The following IHO1 variants were observed in gnomAD, a reference collection of about 807,000 sequenced individuals.
The protein encoded by IHO1 is interactor of HORMAD1 protein 1.
Under a neutral mutation model 31.0 loss-of-function variants are expected in IHO1, and 13 were observed. The observed-to-expected ratio is 0.42, with a 90% CI of 0.27 to 0.67. IHO1 has a LOEUF of 0.67. IHO1 is among the 30% of genes least tolerant of loss of function. The pLI, the probability that IHO1 is intolerant of heterozygous loss-of-function variation, is 0.24. For missense variants in IHO1, 599 were observed against 687.5 expected, an observed-to-expected ratio of 0.87 and a Z score of 1.44; for synonymous variants, 221 against 248.4, an observed-to-expected ratio of 0.89 and a Z score of 1.04.
chr3:49,204,002 G>A (rs2046103000), intron 1 of IHO1, among the ~76,000 whole-genome samples: 1 of 152,116 alleles, frequency 6.6e-6, no homozygotes. Flanking sequence ...ATCACAGCTA[G>A]GTGATTTAAA....
In IHO1 at chr3:49,257,345, C is replaced by T; in HGVS notation, c.*63C>T. ...AGAAATTGCAGGACATTTGGGCTGGCCAACAGCAGAAAGTCCCTGAAGCCT... is the reference window on the plus strand; with the variant it reads ...AGAAATTGCAGGACATTTGGGCTGGTCAACAGCAGAAAGTCCCTGAAGCCT... On this transcript the variant is annotated 3_prime_UTR_variant, in exon 8 of 8. Coordinates refer to ENST00000452691, the MANE Select transcript of IHO1 (RefSeq NM_001135197.2). 6.6e-7 allele frequency: 1 copy of T among 1,505,870 alleles called. No homozygotes were observed. The allele number at this position is 1,505,870 out of a possible 1,614,324, so 93.3% of individuals were successfully genotyped here. A position where few individuals can be genotyped will look rare whatever the true frequency, so the allele number is the denominator to read the frequency against.
intron 1 of IHO1, among the ~76,000 whole-genome samples, chr3:49,211,552 G>A (rs188047243): frequency 2.6e-5 from 4 of 151,506 alleles, no homozygotes; most frequent in Non-Finnish European, 5.9e-5. Flanking sequence ...GAACCTAGGA[G>A]GCAAAGGTTG....
At chr3:49,248,715 G>A (rs2046725870) in intron 6 of IHO1, among the ~76,000 whole-genome samples, 1 of 152,062 alleles carries the variant, frequency 6.6e-6, no homozygotes, top group African/African-American at 2.4e-5. Flanking sequence ...CAACAAGAGC[G>A]AAACTCTGTC....
At chr3:49,226,923 C>T (rs374836441) in intron 2 of IHO1, among the ~76,000 whole-genome samples, 8 of 152,024 alleles carry the variant, frequency 5.3e-5, no homozygotes, top group Admixed American at 6.6e-5. Context: ...TTGAAGGGGA[C>T]GTAACCGATA....
At chr3:49,224,212 G>A (rs191053288) in intron 2 of IHO1, among the ~76,000 whole-genome samples, 3 of 152,318 alleles carry the variant, frequency 2.0e-5, no homozygotes, top group South Asian at 2.1e-4. Context: ...TTTCAGTCGG[G>A]GAATACTGGG....
At chr3:49,248,644 T>C (rs1359966728) in intron 6 of IHO1, among the ~76,000 whole-genome samples, 1 of 149,486 alleles carries the variant, frequency 6.7e-6, no homozygotes, top group Admixed American at 6.7e-5. Context: ...GGAGAATCAC[T>C]TGAACCTGGG....
chr3:49,256,262 A>T lies in IHO1; in HGVS notation c.765A>T (p.Ala255=). 1 of 1,614,218 alleles carries T rather than the reference A, an allele frequency of 6.2e-7. No individual in the cohort carries two copies. The highest frequency in any genetic ancestry group is 8.5e-7 in the Non-Finnish European group (1 of 1,180,038). Residue 255 remains alanine (A), a synonymous_variant, in exon 8 of 8, where the codon GCA becomes GCT. Transcript: ENST00000452691. The surrounding 1 kb of genome is among the most constrained non-coding windows in gnomAD (Gnocchi z 4.6). The part of the protein sequence containing the change: ...LGQLNVPSVL[A]ELKRLISVPP... ...AGCTGAATGTGCCCAGTGTCCTAGC[A>T]GAGCTGAAGAGATTGATCTCAGTGC...
chr3:49,234,472 G>A (rs553436774), intron 2 of IHO1, among the ~76,000 whole-genome samples: 27 of 151,838 alleles, frequency 1.8e-4, no homozygotes, highest in South Asian at 4.2e-4. Context: ...GAGCCACCAC[G>A]CCCAGGCTCT....
chr3:49,240,384 C>T (rs974398593), intron 3 of IHO1, among the ~76,000 whole-genome samples: 7 of 152,134 alleles, frequency 4.6e-5, no homozygotes, highest in Middle Eastern at 3.2e-3. Flanking sequence ...CCAGCATGCC[C>T]GGCTAATTTT....
At chr3:49,191,918 A>G in the IHO1 span, 9 of 758,012 alleles carry the variant, frequency 1.2e-5, no homozygotes, top group Non-Finnish European at 1.8e-5. Flanking sequence ...GTTTGTTGAG[A>G]CAGTACATGA....
intron 6 of IHO1, among the ~76,000 whole-genome samples, chr3:49,248,833 A>G (rs986275943): frequency 1.3e-5 from 2 of 152,214 alleles, no homozygotes; most frequent in Non-Finnish European, 2.9e-5. Flanking sequence ...ATCCAGAATA[A>G]TTCTCTTTCT....
At chr3:49,225,273 G>T (rs1379630891) in intron 2 of IHO1, among the ~76,000 whole-genome samples, 1 of 152,214 alleles carries the variant, frequency 6.6e-6, no homozygotes, top group Non-Finnish European at 1.5e-5. Flanking sequence ...AGACCAGCCT[G>T]ACCAACATGG....
chr3:49,217,916 A>G (rs183499414), intron 2 of IHO1, among the ~76,000 whole-genome samples: 1 of 152,372 alleles, frequency 6.6e-6, no homozygotes, highest in East Asian at 1.9e-4. Flanking sequence ...CCTGGGCAAC[A>G]TGACTGTCAG....
intron 4 of IHO1, among the ~76,000 whole-genome samples, 179 bp downstream of exon 4, chr3:49,241,568 C>T (rs1258945028): frequency 1.3e-5 from 2 of 151,688 alleles, no homozygotes; most frequent in African/African-American, 4.8e-5. Flanking sequence ...CACAGACACA[C>T]AAACAGACAC....
At chr3:49,234,552 A>G (rs532668535) in intron 2 of IHO1, among the ~76,000 whole-genome samples, 1 of 151,796 alleles carries the variant, frequency 6.6e-6, no homozygotes, top group Non-Finnish European at 1.5e-5. Flanking sequence ...TCTAACCCTC[A>G]TTACCTCCTT....
intron 7 of IHO1, among the ~76,000 whole-genome samples, chr3:49,255,911 G>A (rs1159087574): frequency 6.6e-6 from 1 of 151,942 alleles, no homozygotes; most frequent in African/African-American, 2.4e-5. Flanking sequence ...AGGCCACTTG[G>A]AAAGGGGCCA....
intron 2 of IHO1, among the ~76,000 whole-genome samples, chr3:49,234,869 C>T (rs1200107816): frequency 6.7e-6 from 1 of 149,508 alleles, no homozygotes; most frequent in East Asian, 2.0e-4. Flanking sequence ...TTTTTTGAGA[C>T]TGAGTCTCAC....
intron 1 of IHO1, among the ~76,000 whole-genome samples, chr3:49,204,397 G>C (rs1447683074): frequency 6.6e-6 from 1 of 152,090 alleles, no homozygotes; most frequent in Non-Finnish European, 1.5e-5. Flanking sequence ...TATTGTTGGG[G>C]TCGGGCTGTG....
intron 1 of IHO1, among the ~76,000 whole-genome samples, chr3:49,204,650 T>TC (rs1241779180): frequency 6.6e-6 from 1 of 152,136 alleles, no homozygotes; most frequent in Non-Finnish European, 1.5e-5. Context: ...CAGTCCAGAC[T>TC]CCAAGAAGGG....
Sources: allele counts gnomAD v4.1 joint callset (sites outside exome capture counted in the v4.1 genomes callset), GRCh38; gene constraint gnomAD v4.1.1; non-coding constraint Gnocchi (gnomAD v3.1); transcripts MANE v1.5; gene names NCBI Gene and HGNC (gene_info 2026-07-23, HGNC 2026-07-21).